CLIP1: variants seen among roughly 807,000 people sequenced by gnomAD.
The protein encoded by CLIP1 is CAP-Gly domain containing linker protein 1.
Under a neutral mutation model 161.6 loss-of-function variants are expected in CLIP1, and 66 were observed. The ratio of observed to expected loss-of-function variants is 0.41; its 90% confidence interval spans 0.33 to 0.50. CLIP1 has a LOEUF of 0.50. Among genes scored for constraint, CLIP1 ranks in the 20% least tolerant of loss-of-function variants. The probability of loss-of-function intolerance (pLI) is 0.27; values close to 1 mark genes in which losing one functional copy is unlikely to be tolerated. For synonymous variants in CLIP1, 598 were observed against 626.2 expected (o/e 0.96, Z 0.67); for missense variants, 1,376 against 1,702.0 (o/e 0.81, Z 3.37).
At chr12:122,333,222 A>G (rs1266173451) in intron 14 of CLIP1, 79 bp from the exon 15 acceptor site, 9 of 1,067,678 alleles carry the variant, frequency 8.4e-6, no homozygotes, top group Non-Finnish European at 1.2e-5. Context: ...TTGCTCTGGT[A>G]ATATTTTCAC....
rs1450332791 is a variant in CLIP1 at position 122,328,002 on chromosome 12, T to G, written c.3194A>C (p.Asn1065Thr). ...EDKLKGAREE[N>T]SGLLQELEEL... is the part of the protein sequence containing the mutation. ...CTCCAGCTCCTGCAGCAAGCCACTG[T>G]TCTCCTCCCGTGCGCCCTTCAGCTT... Residue 1065 changes from asparagine to threonine, a missense_variant, in exon 17 of 26, where the codon AAC becomes ACC. Asn to Thr is a moderately conservative substitution (Grantham distance 65). Transcript: ENST00000620786. The G allele has an allele frequency of 6.2e-7, 1 of 1,614,172 alleles. No individual in the cohort carries two copies. The highest frequency in any genetic ancestry group is 8.5e-7 in the Non-Finnish European group (1 of 1,180,040).
At chr12:122,358,914 A>T (rs1040941820) in intron 5 of CLIP1, among the ~76,000 whole-genome samples, 2 of 152,100 alleles carry the variant, frequency 1.3e-5, no homozygotes, top group Non-Finnish European at 2.9e-5. Flanking sequence ...TACAAAAATT[A>T]GCCGGGCATG....
chr12:122,321,893 G>A (rs1241721464), intron 17 of CLIP1, among the ~76,000 whole-genome samples: 2 of 152,134 alleles, frequency 1.3e-5, no homozygotes, highest in East Asian at 3.9e-4. Context: ...TTTATTCACA[G>A]TTTGCAATTT....
intron 20 of CLIP1, among the ~76,000 whole-genome samples, chr12:122,290,604 T>C (rs1055913229): frequency 1.3e-5 from 2 of 152,120 alleles, no homozygotes; most frequent in African/African-American, 4.8e-5. Flanking sequence ...ACAAAGAGCA[T>C]GGCAGACAAT....
intron 9 of CLIP1, 129 bp from the exon 10 acceptor site, chr12:122,347,608 G>A (rs1307006802): frequency 2.9e-6 from 2 of 685,696 alleles, no homozygotes; most frequent in Non-Finnish European, 5.3e-6. Flanking sequence ...AAAGGGGAAT[G>A]GAGAAGGGAA....
At chr12:122,392,429 T>C (rs752042745) in intron 1 of CLIP1, among the ~76,000 whole-genome samples, 1 of 152,150 alleles carries the variant, frequency 6.6e-6, no homozygotes, top group Non-Finnish European at 1.5e-5. Flanking sequence ...ATTCAAAATA[T>C]CCACATAAGG....
rs924349117 is a variant in CLIP1, at chr12:122,272,590, G to T, written c.*285C>A. On this transcript the variant is annotated 3_prime_UTR_variant, in exon 26 of 26. Coordinates refer to ENST00000620786, the MANE Select transcript of CLIP1 (RefSeq NM_001247997.2). ...TGTGAGGGTAGGGGTTTTTCTACAAGGTCGGGGGGCCAATAAATGTAATGG... is the reference window on the plus strand; with the variant it reads ...TGTGAGGGTAGGGGTTTTTCTACAATGTCGGGGGGCCAATAAATGTAATGG... 3.5e-5 allele frequency: 12 copies of T among 342,924 alleles called. No individual in the cohort carries two copies. The highest frequency in any genetic ancestry group is 6.5e-5 in the Non-Finnish European group (12 of 185,098). The allele number at this position is 342,924 out of a possible 1,614,324, so 21.2% of individuals were successfully genotyped here.
Position 122,366,490 on chromosome 12 carries a change from AATT to A in CLIP1, c.658-2386_658-2384del, listed in dbSNP as rs377281258. 4.2e-4 allele frequency among the ~76,000 whole-genome samples: 64 copies of A among 152,036 alleles called. No homozygotes were observed. In the East Asian group the frequency reaches 6.4e-3, roughly 15 times the overall value. On this transcript the variant is annotated intron_variant, in intron 3 of 25. Transcript: ENST00000620786. ...ACAAGAAACTGTTTCAAAAAATAAT[AATT>A]GACTCTTGCTATTTTCCACAGTGAG...
At chr12:122,415,552 C>CG (rs1956720614) in intron 1 of CLIP1, among the ~76,000 whole-genome samples, 1 of 151,396 alleles carries the variant, frequency 6.6e-6, no homozygotes, top group Non-Finnish European at 1.5e-5. Flanking sequence ...GGCACAGTGG[C>CG]TCACGCCTGT....
At chr12:122,345,653 C>A (rs1284043557) in intron 10 of CLIP1, among the ~76,000 whole-genome samples, 1 of 152,048 alleles carries the variant, frequency 6.6e-6, no homozygotes, top group Non-Finnish European at 1.5e-5. Flanking sequence ...ATCAGGATAG[C>A]AAATTTGATT....
chr12:122,338,431 G>T (rs536366926), intron 11 of CLIP1, among the ~76,000 whole-genome samples: 1 of 151,842 alleles, frequency 6.6e-6, no homozygotes, highest in Admixed American at 6.6e-5. Context: ...AAATCCACTG[G>T]ACAGGCAAGG....
In CLIP1 at chr12:122,365,437, T is replaced by G; in HGVS notation, c.658-1330A>C. 3 of 781,442 alleles carry G rather than the reference T, an allele frequency of 3.8e-6. No individual in the cohort carries two copies. In the South Asian group the frequency reaches 4.0e-5, roughly 11 times the overall value. The allele number at this position is 781,442 out of a possible 1,614,324, so 48.4% of individuals were successfully genotyped here. A position where few individuals can be genotyped will look rare whatever the true frequency, so the allele number is the denominator to read the frequency against. On this transcript the variant is annotated intron_variant, in intron 3 of 25. Transcript: ENST00000620786. ...GAAATAATGTGCGTATGGAGCACAT[T>G]AAGCACTCTAAGAGCCAAGATAGCT...
At chr12:122,405,696 G>A (rs986519609) in intron 1 of CLIP1, among the ~76,000 whole-genome samples, 2 of 151,724 alleles carry the variant, frequency 1.3e-5, no homozygotes, top group Non-Finnish European at 2.9e-5. Context: ...GCTGAGACAA[G>A]AGAATCACTT....
intron 24 of CLIP1, 26 bp downstream of exon 24, chr12:122,278,128 G>A: frequency 6.3e-7 from 1 of 1,587,196 alleles, no homozygotes; most frequent in Non-Finnish European, 8.6e-7. Context: ...CAGCAAGAAA[G>A]TAAAGCAATA....
intron 21 of CLIP1, among the ~76,000 whole-genome samples, chr12:122,286,294 G>A (rs1272705019): frequency 2.0e-5 from 3 of 151,900 alleles, no homozygotes; most frequent in African/African-American, 7.3e-5. Context: ...TGAGGCAAGT[G>A]GATCACGAGG....
intron 1 of CLIP1, among the ~76,000 whole-genome samples, chr12:122,387,590 A>AT (rs139790813): frequency 8.0e-4 from 5 of 6,274 alleles, no homozygotes; most frequent in African/African-American, 1.4e-3. Context: ...ATATATATAT[A>AT]TTTTTTTTTT....
chr12:122,371,383 G>A (rs1014546817), intron 3 of CLIP1, among the ~76,000 whole-genome samples: 1 of 152,144 alleles, frequency 6.6e-6, no homozygotes. Context: ...CACCTTTGGG[G>A]TTAGGATATT....
intron 18 of CLIP1, 141 bp from the exon 19 acceptor site, chr12:122,316,996 A>C (rs935424547): frequency 1.7e-6 from 1 of 588,120 alleles, no homozygotes; most frequent in African/African-American, 1.9e-5. Flanking sequence ...CTGGGTGAAG[A>C]GATTACAGAT....
intron 1 of CLIP1, among the ~76,000 whole-genome samples, chr12:122,406,960 T>C (rs1384597608): frequency 2.6e-5 from 4 of 151,978 alleles, no homozygotes; most frequent in African/African-American, 7.2e-5. Flanking sequence ...TAAGGGAACA[T>C]GGAAAGCTGA....
Sources: gnomAD v4.1 joint callset for allele counts (sites outside exome capture counted in the v4.1 genomes callset) on GRCh38, gnomAD v4.1.1 for gene constraint, MANE v1.5 for transcripts, NCBI Gene and HGNC (gene_info 2026-07-23, HGNC 2026-07-21) for gene names.